Variants in EIF4G3 observed in about 807,000 individuals in gnomAD.
EIF4G3 encodes eIF-4-gamma 3.
Under a neutral mutation model 186.4 loss-of-function variants are expected in EIF4G3, and 34 were observed. The ratio of observed to expected loss-of-function variants is 0.18; its 90% CI spans 0.14 to 0.24. The LOEUF (loss-of-function observed/expected upper bound fraction) is 0.24, where lower values mean the gene tolerates loss of function less well. Among genes scored for constraint, EIF4G3 ranks in the 10% least tolerant of loss-of-function variants. EIF4G3 has a pLI of 1.00. For synonymous variants in EIF4G3, 673 were observed against 679.5 expected (o/e 0.99, Z 0.15); for missense variants, 1,536 against 1,948.5 (o/e 0.79, Z 3.99).
At chr1:21,133,516 C>T (rs1381422670) in intron 2 of EIF4G3, among the ~76,000 whole-genome samples, 1 of 152,180 alleles carries the variant, frequency 6.6e-6, no homozygotes, top group African/African-American at 2.4e-5. Context: ...TGAGCCACCG[C>T]GCCCAGCCTA....
At chr1:21,117,081 T>A (rs976910568) in intron 2 of EIF4G3, among the ~76,000 whole-genome samples, 8 of 152,122 alleles carry the variant, frequency 5.3e-5, no homozygotes, top group African/African-American at 1.9e-4. Context: ...ATAACTTTTT[T>A]ATTTCACCTT....
At chr1:20,920,645 A>G (rs997070583) in intron 14 of EIF4G3, among the ~76,000 whole-genome samples, 1 of 152,156 alleles carries the variant, frequency 6.6e-6, no homozygotes, top group Non-Finnish European at 1.5e-5. Flanking sequence ...AATTCCAGTA[A>G]CATATATGGT....
At chr1:20,880,850 T>C (rs936788549) in intron 19 of EIF4G3, among the ~76,000 whole-genome samples, 11 of 152,320 alleles carry the variant, frequency 7.2e-5, no homozygotes, top group African/African-American at 2.6e-4. Flanking sequence ...TGTTCTTGTA[T>C]TAGAAGATTC....
intron 2 of EIF4G3, among the ~76,000 whole-genome samples, chr1:21,165,440 T>G (rs2103000489): frequency 6.6e-6 from 1 of 152,278 alleles, no homozygotes; most frequent in Non-Finnish European, 1.5e-5. Flanking sequence ...TGGCTATTCA[T>G]TATCCAAAGG....
At chr1:21,158,240 A>G (rs1347905786) in intron 2 of EIF4G3, among the ~76,000 whole-genome samples, 1 of 133,180 alleles carries the variant, frequency 7.5e-6, no homozygotes, top group Admixed American at 8.9e-5. Context: ...GAGTGGTGCG[A>G]TCTCCACTCA....
intron 2 of EIF4G3, among the ~76,000 whole-genome samples, chr1:21,120,198 A>T (rs2096902335): frequency 6.6e-6 from 1 of 150,876 alleles, no homozygotes; most frequent in African/African-American, 2.4e-5. Flanking sequence ...TACATAATCT[A>T]TAAATTTACA....
chr1:21,076,872 A>G (rs1270956388), intron 3 of EIF4G3, among the ~76,000 whole-genome samples: 4 of 152,204 alleles, frequency 2.6e-5, no homozygotes. Flanking sequence ...GCTTCAGAAC[A>G]TTGGTCTGAA....
intron 18 of EIF4G3, among the ~76,000 whole-genome samples, chr1:20,891,316 G>A (rs1011114239): frequency 1.3e-5 from 2 of 152,000 alleles, no homozygotes. Flanking sequence ...ACAACATTGG[G>A]CAATATGATA....
intron 15 of EIF4G3, among the ~76,000 whole-genome samples, chr1:20,903,573 G>A (rs1572483051): frequency 1.3e-5 from 2 of 152,120 alleles, no homozygotes; most frequent in African/African-American, 2.4e-5. Flanking sequence ...TGCAAAAGGA[G>A]TGCAATGACT....
intron 13 of EIF4G3, among the ~76,000 whole-genome samples, chr1:20,947,415 GA>G (rs1468095340): frequency 6.6e-6 from 1 of 151,160 alleles, no homozygotes; most frequent in Non-Finnish European, 1.5e-5. Flanking sequence ...AAAAAATAGT[GA>G]GCCCTTTCTA....
rs372335024 is a variant in EIF4G3 at position 20,950,055 on chromosome 1, G to A, written c.771C>T (p.Ser257=). 67 of 1,613,350 alleles carry A rather than the reference G, an allele frequency of 4.2e-5. No individual in the cohort carries two copies. Among genetic ancestry groups the A allele is most frequent in the Non-Finnish European group, 5.4e-5 (64 of 1,179,642 alleles). ...HSPVVYGTVE[S]AHLAASTPVT... ...CAGGGGTGCTGGCAGCAAGATGAGCGCTCTCCACAGTCCCATAAACCACAG... is the reference window on the plus strand; with the variant it reads ...CAGGGGTGCTGGCAGCAAGATGAGCACTCTCCACAGTCCCATAAACCACAG... The change falls in exon 13 of 37, where the codon AGC becomes AGT. Residue 257 remains serine, a synonymous_variant. Transcript: ENST00000602326.
intron 13 of EIF4G3, 63 bp downstream of exon 13, chr1:20,949,940 C>T (rs17417114): frequency 0.035 from 46,324 of 1,333,166 alleles, 973 homozygotes; most frequent in Non-Finnish European, 0.04. Context: ...TGAATGCTGA[C>T]GGCAATGTAA....
intron 2 of EIF4G3, among the ~76,000 whole-genome samples, chr1:21,151,294 A>C (rs1218685640): frequency 8.7e-6 from 1 of 115,274 alleles, no homozygotes; most frequent in Non-Finnish European, 1.6e-5. Context: ...GCTGGAGTGC[A>C]GTGGCACGAT....
At chr1:20,958,962 A>C (rs921904208) in intron 12 of EIF4G3, among the ~76,000 whole-genome samples, 1 of 152,218 alleles carries the variant, frequency 6.6e-6, no homozygotes, top group African/African-American at 2.4e-5. Flanking sequence ...TGTTGTGAAA[A>C]TGGCCATACT....
intron 3 of EIF4G3, among the ~76,000 whole-genome samples, chr1:21,070,234 GAA>G (rs1039846480): frequency 6.7e-6 from 1 of 150,196 alleles, no homozygotes; most frequent in African/African-American, 2.5e-5. Context: ...TAAGACTGTG[GAA>G]AAAAAAAGTT....
At chr1:20,884,987 G>A (rs1247113613) in intron 19 of EIF4G3, among the ~76,000 whole-genome samples, 2 of 152,198 alleles carry the variant, frequency 1.3e-5, no homozygotes, top group Admixed American at 1.3e-4. Flanking sequence ...AGATCATCAG[G>A]TATTAGTTAG....
At chr1:20,816,713 C>T (rs12751198) in intron 34 of EIF4G3, among the ~76,000 whole-genome samples, 70,838 of 71,130 alleles carry the variant, frequency 1, 35,276 homozygotes, top group South Asian at 1. Flanking sequence ...GGAGCCCCTC[C>T]GCCCGGCCAC....
rs1167578772 is a variant in EIF4G3, at chr1:20,806,647, T to C, written c.*672A>G. The C allele has an allele frequency of 1.3e-5, 2 of 151,962 alleles. No individual in the cohort carries two copies. The highest frequency in any genetic ancestry group is 4.9e-5 in the African/African-American group (2 of 40,916). The allele number at this position is 151,962 out of a possible 1,614,324, so 9.4% of individuals were successfully genotyped here. On this transcript the variant is annotated 3_prime_UTR_variant, in exon 37 of 37. Transcript: ENST00000602326. ...AGTATTAAGAGTACTTTTCTCAGGG[T>C]AGCACTTTTTTTTTTTTAAACAATT...
At chr1:20,960,723 C>T (rs1235716943) in intron 12 of EIF4G3, among the ~76,000 whole-genome samples, 1 of 152,076 alleles carries the variant, frequency 6.6e-6, no homozygotes, top group African/African-American at 2.4e-5. Context: ...TGTGTCACAG[C>T]ACTCCAGCCA....
Sources: gnomAD v4.1 joint callset for allele counts (sites outside exome capture counted in the v4.1 genomes callset) on GRCh38, gnomAD v4.1.1 for gene constraint, MANE v1.5 for transcripts, NCBI Gene and HGNC (gene_info 2026-07-23, HGNC 2026-07-21) for gene names.